The following SYNPR variants were observed in gnomAD, a reference collection of about 807,000 sequenced individuals.
The protein encoded by SYNPR is synaptoporin.
Under a neutral mutation model 32.9 loss-of-function variants are expected in SYNPR, and 23 were observed. The observed-to-expected ratio is 0.70, with a 90% CI of 0.50 to 0.99. The LOEUF is 0.99. SYNPR is among the 50% of genes least tolerant of loss of function. The probability of loss-of-function intolerance (pLI) is 0.00; values close to 1 mark genes in which losing one functional copy is unlikely to be tolerated. For missense variants in SYNPR, 318 were observed against 349.3 expected (o/e 0.91, Z 0.71); for synonymous variants, 146 against 135.9 (o/e 1.07, Z -0.52).
At chr3:63,492,365 A>T (rs1336625393) in intron 3 of SYNPR, among the ~76,000 whole-genome samples, 2 of 152,206 alleles carry the variant, frequency 1.3e-5, no homozygotes, top group African/African-American at 4.8e-5. Context: ...TTAGACCTCT[A>T]ATTCTACGAA....
At chr3:63,374,117 C>T (rs2087853416) in intron 2 of SYNPR, among the ~76,000 whole-genome samples, 1 of 152,188 alleles carries the variant, frequency 6.6e-6, no homozygotes, top group Non-Finnish European at 1.5e-5. Context: ...CCAGCCACTA[C>T]AATTTTCAAG....
chr3:63,210,633 A>C, the SYNPR span, among the ~76,000 whole-genome samples: 1 of 152,216 alleles, frequency 6.6e-6, no homozygotes, highest in Admixed American at 6.5e-5. Context: ...AAACTGAGCA[A>C]AAGAGTGGCT....
chr3:63,226,391 T>C (rs972611881), upstream of SYNPR, among the ~76,000 whole-genome samples: 1 of 152,108 alleles, frequency 6.6e-6, no homozygotes, highest in Non-Finnish European at 1.5e-5. Flanking sequence ...AAAAAAGGAA[T>C]ACCGGCACTT....
At chr3:63,229,949 AT>A (rs2086154879) in intron 1 of SYNPR, among the ~76,000 whole-genome samples, 1 of 152,102 alleles carries the variant, frequency 6.6e-6, no homozygotes, top group African/African-American at 2.4e-5. Flanking sequence ...CAACTATTAA[AT>A]TTTCTTTATA....
chr3:63,210,456 C>A, the SYNPR span, among the ~76,000 whole-genome samples: 1 of 152,140 alleles, frequency 6.6e-6, no homozygotes, highest in South Asian at 2.1e-4. Flanking sequence ...GATTCTTTTT[C>A]CTCTTTATCT....
rs1559516484 is a variant in SYNPR, at chr3:63,494,480, T to TATATACATATATATACATATATAC, written c.209+13529_209+13530insCATATATATACATATATACATATA. Among the ~76,000 whole-genome samples, 506 of 116,552 alleles carry TATATACATATATATACATATATAC rather than the reference T, an allele frequency of 4.3e-3. 4 individuals are homozygous for TATATACATATATATACATATATAC. The highest frequency in any genetic ancestry group is 0.017 in the African/African-American group (464 of 27,960). 76.5% of individuals were successfully genotyped at this position (116,552 alleles called of 152,430 possible). Reference sequence around the variant, plus strand: ...ATATACATATATACACATATATACATATATATACATATATATACATATATA... The same window carrying TATATACATATATATACATATATAC: ...ATATACATATATACACATATATACATATATACATATATATACATATATACATATATACATATATATACATATATA... On this transcript the variant is annotated intron_variant, in intron 3 of 5. Transcript: ENST00000478300.
In SYNPR at chr3:63,240,109, C is replaced by T. The variant is rs996192189; in HGVS notation, n.66+11729C>T. Among the ~76,000 whole-genome samples, 11 of 152,184 alleles carry T rather than the reference C, an allele frequency of 7.2e-5. No homozygotes were observed. The East Asian group carries it at 9.7e-4, about 13-fold the overall frequency. ...CTTCCCTTTGTATCTTATCTCCTTA[C>T]TCCTCATGAGTTTTGTTAGTTTTTG... On this transcript the variant is annotated intron_variant and non_coding_transcript_variant, in intron 1 of 4. Coordinates refer to the SYNPR transcript ENST00000478456.
At chr3:63,614,718 C>T (rs1272512813) in intron 5 of SYNPR, among the ~76,000 whole-genome samples, 1 of 152,158 alleles carries the variant, frequency 6.6e-6, no homozygotes, top group Non-Finnish European at 1.5e-5. Flanking sequence ...AAAGCAGTAT[C>T]TCTAACCATA....
rs189977071 is a variant in SYNPR at position 63,444,744 on chromosome 3, C to T, written c.85-36088C>T. Among the ~76,000 whole-genome samples, 45 of 152,136 alleles carry T rather than the reference C, an allele frequency of 3.0e-4. No homozygotes were observed. In the East Asian group the frequency reaches 4.1e-3, roughly 14 times the overall value. On this transcript the variant is annotated intron_variant, in intron 2 of 5. Transcript: ENST00000478300. ...TTTTGGACGTGCCACGACTCACACA[C>T]GCTGTGCACACTCCAATGAAGCTAC...
chr3:63,497,958 A>G (rs1277064522), intron 3 of SYNPR, among the ~76,000 whole-genome samples: 2 of 152,174 alleles, frequency 1.3e-5, no homozygotes, highest in South Asian at 2.1e-4. Flanking sequence ...GGTGCTTTTT[A>G]TAATGCTTTT....
intron 2 of SYNPR, among the ~76,000 whole-genome samples, chr3:63,332,578 G>A (rs924904705): frequency 6.6e-6 from 1 of 152,164 alleles, no homozygotes; most frequent in Non-Finnish European, 1.5e-5. Context: ...GAAGGTATGG[G>A]TGGATGGGTT....
chr3:63,524,882 A>T lies in SYNPR; in HGVS notation c.210-31661A>T, dbSNP rs1701982323. Among the ~76,000 whole-genome samples, 7 of 151,338 alleles carry T rather than the reference A, an allele frequency of 4.6e-5. No homozygotes were observed. In the South Asian group the frequency reaches 1.5e-3, roughly 32 times the overall value. On this transcript the variant is annotated intron_variant, in intron 3 of 5. Transcript: ENST00000478300. ...GTGTGTGTGTGTGTGAGAGAGAGAG[A>T]GAGAGAGAGAGAGAGAAGTCAGCTC...
intron 3 of SYNPR, among the ~76,000 whole-genome samples, chr3:63,522,824 C>T (rs928089951): frequency 2.6e-5 from 4 of 152,058 alleles, no homozygotes; most frequent in Non-Finnish European, 5.9e-5. Context: ...TGAGCGGAGG[C>T]AGAGAAGATC....
At position 63,356,702 on chromosome 3, in the gene SYNPR, A is replaced by T. The variant is rs2087588827; in HGVS notation, c.84+77960A>T. Among the ~76,000 whole-genome samples the T allele has an allele frequency of 2.0e-5, 3 of 152,178 alleles. No individual in the cohort carries two copies. In the South Asian group the frequency reaches 6.2e-4, roughly 32 times the overall value. Reference sequence around the variant, plus strand: ...GGTCACACTCACCTTTCCGGTCCCCATGTCTATATGTTCCTGGCACATACT... The same window carrying T: ...GGTCACACTCACCTTTCCGGTCCCCTTGTCTATATGTTCCTGGCACATACT... On this transcript the variant is annotated intron_variant, in intron 2 of 5. Coordinates refer to ENST00000478300, the MANE Select transcript of SYNPR (RefSeq NM_001130003.2).
chr3:63,258,023 A>G (rs1335205112), intron 2 of SYNPR, among the ~76,000 whole-genome samples: 1 of 152,206 alleles, frequency 6.6e-6, no homozygotes, highest in African/African-American at 2.4e-5. Flanking sequence ...AGAGCTAACT[A>G]TCCTAAATAT....
At chr3:63,289,623 A>G (rs1488429384) in intron 2 of SYNPR, 4 of 152,068 alleles carry the variant, frequency 2.6e-5, no homozygotes, top group Non-Finnish European at 5.9e-5. Flanking sequence ...ATCTGCCCCC[A>G]TGACTCAAAC....
chr3:63,531,105 G>C (rs1240068696), intron 3 of SYNPR, among the ~76,000 whole-genome samples: 1 of 152,260 alleles, frequency 6.6e-6, no homozygotes. Context: ...GTGGTGAAGA[G>C]GAGGAGGCAG....
At chr3:63,522,864 T>C (rs1281119544) in intron 3 of SYNPR, among the ~76,000 whole-genome samples, 1 of 151,456 alleles carries the variant, frequency 6.6e-6, no homozygotes, top group Non-Finnish European at 1.5e-5. Context: ...TGCAATGGAG[T>C]TCAGATTTTA....
intron 3 of SYNPR, among the ~76,000 whole-genome samples, chr3:63,490,104 T>C (rs1217035663): frequency 6.6e-6 from 1 of 152,060 alleles, no homozygotes; most frequent in Non-Finnish European, 1.5e-5. Flanking sequence ...GCTGGTGAAA[T>C]GAAATTTGAG....
Sources: allele counts gnomAD v4.1 joint callset (sites outside exome capture counted in the v4.1 genomes callset), GRCh38; gene constraint gnomAD v4.1.1; transcripts MANE v1.5; gene names NCBI Gene and HGNC (gene_info 2026-07-23, HGNC 2026-07-21).